Variants in PLD5 observed in about 807,000 individuals in gnomAD.
The protein encoded by PLD5 is phospholipase D family member 5.
In PLD5, 36 loss-of-function variants were observed where a neutral mutation model predicts 61.1. That is an observed-to-expected ratio of 0.59 (90% CI 0.45 to 0.78). The LOEUF is 0.78. Ranked by LOEUF, PLD5 falls within the 30% of genes least tolerant of loss-of-function variation. The pLI, the probability that PLD5 is intolerant of heterozygous loss-of-function variation, is 0.00. For missense variants in PLD5, 515 were observed against 644.4 expected, an observed-to-expected ratio of 0.80 and a Z score of 2.17; for synonymous variants, 243 against 242.8, an observed-to-expected ratio of 1.00 and a Z score of -0.01.
chr1:242,099,768 G>GA (rs1360377942), intron 9 of PLD5, among the ~76,000 whole-genome samples: 1 of 151,930 alleles, frequency 6.6e-6, no homozygotes, highest in Non-Finnish European at 1.5e-5. Context: ...CACTGAATTT[G>GA]AAAAAAAGAA....
chr1:242,135,562 C>T (rs1663650914), intron 5 of PLD5, among the ~76,000 whole-genome samples: 2 of 152,104 alleles, frequency 1.3e-5, no homozygotes, highest in South Asian at 4.1e-4. Flanking sequence ...GCATTGGATG[C>T]TAGGAAAACA....
rs868755768 is a variant in PLD5, at chr1:242,154,128, C to T, written c.736-29463G>A. Among the ~76,000 whole-genome samples the T allele has an allele frequency of 4.5e-4, 68 of 152,114 alleles. 1 individual carries two copies. The highest frequency in any genetic ancestry group is 1.6e-3 in the African/African-American group (66 of 41,404). ...TGAAGCAATTGTGAATGGGAGTTCA[C>T]TCATGATTTGGCTGTTTGTCTGTTA... is the stretch of plus-strand genomic sequence containing the variant. On this transcript the variant is annotated intron_variant, in intron 5 of 9. Coordinates refer to ENST00000536534, the MANE Select transcript of PLD5 (RefSeq NM_001372062.1).
intron 4 of PLD5, among the ~76,000 whole-genome samples, chr1:242,263,164 A>G (rs1673469163): frequency 1.3e-5 from 2 of 152,240 alleles, no homozygotes; most frequent in South Asian, 4.2e-4. Flanking sequence ...GGGCCTCCTT[A>G]CACCTGCACT....
chr1:242,310,440 C>G (rs189148023), intron 2 of PLD5, among the ~76,000 whole-genome samples: 4 of 152,284 alleles, frequency 2.6e-5, no homozygotes, highest in Admixed American at 2.0e-4. Context: ...AAAAAGTTGT[C>G]ACTCCTGTTC....
chr1:242,180,996 A>G (rs1001559485), intron 5 of PLD5, among the ~76,000 whole-genome samples: 2 of 151,992 alleles, frequency 1.3e-5, no homozygotes, highest in African/African-American at 4.8e-5. Context: ...AAACAAACAA[A>G]CAAACAAACA....
intron 4 of PLD5, among the ~76,000 whole-genome samples, chr1:242,231,158 T>G (rs1219178186): frequency 6.6e-6 from 1 of 152,222 alleles, no homozygotes; most frequent in Non-Finnish European, 1.5e-5. Flanking sequence ...ATTAGTTCTA[T>G]TAAAAAATAA....
chr1:242,342,199 C>T (rs545427183), intron 2 of PLD5, among the ~76,000 whole-genome samples: 2 of 152,264 alleles, frequency 1.3e-5, no homozygotes, highest in East Asian at 1.9e-4. Flanking sequence ...GGAATAGCAA[C>T]AAAAGTCCCT....
intron 5 of PLD5, among the ~76,000 whole-genome samples, chr1:242,197,230 C>T (rs12123908): frequency 0.28 from 42,320 of 152,032 alleles, 6,163 homozygotes; most frequent in South Asian, 0.39. Flanking sequence ...CAAGAACTCA[C>T]CCTCACCCTG....
chr1:242,327,557 A>T (rs1658876977), intron 2 of PLD5, among the ~76,000 whole-genome samples: 1 of 152,196 alleles, frequency 6.6e-6, no homozygotes, highest in Admixed American at 6.5e-5. Flanking sequence ...AAAACTCAAG[A>T]TAGAGAATTT....
At chr1:242,495,245 G>A (rs560908028) in intron 1 of PLD5, among the ~76,000 whole-genome samples, 2 of 152,072 alleles carry the variant, frequency 1.3e-5, no homozygotes, top group African/African-American at 2.4e-5. Context: ...TGGGAACCAT[G>A]TGGATGCTCA....
intron 4 of PLD5, among the ~76,000 whole-genome samples, chr1:242,257,399 A>G (rs1199226095): frequency 1.3e-5 from 2 of 152,218 alleles, no homozygotes; most frequent in Non-Finnish European, 1.5e-5. Flanking sequence ...TTGCAACACC[A>G]GCTGAGCAGG....
intron 4 of PLD5, among the ~76,000 whole-genome samples, chr1:242,247,334 C>A (rs1324213274): frequency 6.6e-6 from 1 of 152,116 alleles, no homozygotes; most frequent in African/African-American, 2.4e-5. Flanking sequence ...TTGTGTGAAA[C>A]CTTGACGTCA....
intron 4 of PLD5, among the ~76,000 whole-genome samples, chr1:242,252,335 T>C (rs1245815915): frequency 3.9e-5 from 6 of 152,166 alleles, no homozygotes; most frequent in Non-Finnish European, 7.3e-5. Context: ...GTCACAGAAG[T>C]AAGGGATCTT....
intron 9 of PLD5, among the ~76,000 whole-genome samples, chr1:242,091,609 C>T (rs1659829010): frequency 6.6e-6 from 1 of 152,126 alleles, no homozygotes; most frequent in Non-Finnish European, 1.5e-5. Flanking sequence ...TACTTTCACA[C>T]TAGAATGTCA....
chr1:242,246,341 G>A (rs938264324), intron 4 of PLD5, among the ~76,000 whole-genome samples: 5 of 152,200 alleles, frequency 3.3e-5, no homozygotes, highest in Admixed American at 1.3e-4. Context: ...ACTGCAGCCC[G>A]GGCAACAGAG....
intron 5 of PLD5, among the ~76,000 whole-genome samples, chr1:242,125,782 A>G (rs1392843745): frequency 6.6e-6 from 1 of 152,076 alleles, no homozygotes; most frequent in Non-Finnish European, 1.5e-5. Context: ...GTCATCTACC[A>G]TGTATGAACC....
chr1:242,291,763 T>C (rs1675382162), intron 2 of PLD5, among the ~76,000 whole-genome samples: 3 of 152,010 alleles, frequency 2.0e-5, no homozygotes, highest in Admixed American at 2.0e-4. Flanking sequence ...ACCGAGATTG[T>C]ACCACTGCAC....
At chr1:242,329,249 A>C (rs1289667970) in intron 2 of PLD5, among the ~76,000 whole-genome samples, 1 of 152,050 alleles carries the variant, frequency 6.6e-6, no homozygotes, top group Non-Finnish European at 1.5e-5. Context: ...ATGTCAGGTG[A>C]TCTACCCGAC....
chr1:242,524,182 C>T lies in PLD5; in HGVS notation c.95G>A (p.Ser32Asn). 1 of 1,534,800 alleles carries T rather than the reference C, an allele frequency of 6.5e-7. No individual in the cohort carries two copies. Among genetic ancestry groups the T allele is most frequent in the Non-Finnish European group, 8.7e-7 (1 of 1,146,232 alleles). The change falls in exon 1 of 10, where the codon AGC (serine) becomes AAC (asparagine). Residue 32 changes from serine to asparagine, a missense_variant. Physicochemically the swap from Ser to Asn is conservative, Grantham distance 46. Around this residue, in one of 2 missense-constraint regions of PLD5, gnomAD observed 65 missense variants for 46.3 expected, o/e 1.40. Transcript: ENST00000536534. ...LKSRPKEPSP[S>N]LTRVGANFYS... ...GAAGTTCGCGCCCACTCGGGTCAGG[C>T]TTGGGGAGGGCTCCTTGGGGCGGCT...
Sources: allele counts gnomAD v4.1 joint callset (sites outside exome capture counted in the v4.1 genomes callset), GRCh38; gene constraint gnomAD v4.1.1; regional missense constraint gnomAD v4.1.1; transcripts MANE v1.5; gene names NCBI Gene and HGNC (gene_info 2026-07-23, HGNC 2026-07-21).